Variants in RABGAP1L observed in about 807,000 individuals in gnomAD.
RABGAP1L encodes the protein rab GTPase-activating protein 1-like.
In RABGAP1L, 63 loss-of-function variants were observed where a neutral mutation model predicts 137.7. The observed-to-expected ratio is 0.46, with a 90% CI of 0.37 to 0.56. RABGAP1L has a LOEUF of 0.56. RABGAP1L is among the 20% of genes least tolerant of loss of function. The pLI, the probability that RABGAP1L is intolerant of heterozygous loss-of-function variation, is 0.00. For synonymous variants in RABGAP1L, 431 were observed against 433.7 expected (o/e 0.99, Z 0.08); for missense variants, 1,095 against 1,244.0 (o/e 0.88, Z 1.80).
chr1:174,811,245 T>C (rs1689844221), intron 18 of RABGAP1L, among the ~76,000 whole-genome samples: 2 of 152,248 alleles, frequency 1.3e-5, no homozygotes, highest in South Asian at 4.1e-4. Flanking sequence ...TAAACAATAG[T>C]TTTCAGAAGA....
At chr1:174,607,895 C>G (rs1387224008) in intron 13 of RABGAP1L, among the ~76,000 whole-genome samples, 13 of 152,192 alleles carry the variant, frequency 8.5e-5, no homozygotes, top group Non-Finnish European at 1.9e-4. Context: ...GTATTGAGAA[C>G]TACAGTGTGA....
intron 19 of RABGAP1L, among the ~76,000 whole-genome samples, chr1:174,914,833 A>AC (rs1453656955): frequency 2.0e-5 from 3 of 151,414 alleles, no homozygotes; most frequent in African/African-American, 4.9e-5. Flanking sequence ...CCCTCATCCT[A>AC]CCCCCCAGAT....
intron 14 of RABGAP1L, among the ~76,000 whole-genome samples, chr1:174,640,985 A>G (rs905893999): frequency 1.1e-5 from 1 of 89,628 alleles, no homozygotes; most frequent in Non-Finnish European, 1.9e-5. Flanking sequence ...AATTAAATAT[A>G]ATTTTAGATT....
At chr1:174,271,255 T>A (rs943734380) in intron 7 of RABGAP1L, among the ~76,000 whole-genome samples, 11 of 152,124 alleles carry the variant, frequency 7.2e-5, no homozygotes, top group African/African-American at 2.7e-4. Flanking sequence ...CCTCAAGAAC[T>A]TATAGGAAGT....
chr1:174,295,166 C>T (rs1386859332), intron 10 of RABGAP1L, among the ~76,000 whole-genome samples: 4 of 151,700 alleles, frequency 2.6e-5, no homozygotes, highest in African/African-American at 9.7e-5. Flanking sequence ...ATCCGCCCAC[C>T]TTGGCCTCCC....
chr1:174,411,350 A>G lies in RABGAP1L; in HGVS notation c.1710+17205A>G, dbSNP rs187709315. Among the ~76,000 whole-genome samples the G allele has an allele frequency of 1.3e-3, 196 of 152,108 alleles. 1 individual carries two copies. Among genetic ancestry groups the G allele is most frequent in the African/African-American group, 4.6e-3 (191 of 41,494 alleles). On this transcript the variant is annotated intron_variant, in intron 13 of 25. Coordinates refer to ENST00000681986, the MANE Select transcript of RABGAP1L (RefSeq NM_001366446.1). Reference sequence around the variant, plus strand: ...TGCTTTCAGTTTTTACCTGTTCAGTATGATGTTTGCTGTGGGTTTGTCATG... The same window carrying G: ...TGCTTTCAGTTTTTACCTGTTCAGTGTGATGTTTGCTGTGGGTTTGTCATG...
At chr1:174,707,124 C>G (rs1042914590) in intron 17 of RABGAP1L, among the ~76,000 whole-genome samples, 1 of 152,176 alleles carries the variant, frequency 6.6e-6, no homozygotes. Flanking sequence ...TTAATGGATA[C>G]TGCCAAACAG....
At chr1:174,615,960 G>A (rs548957430) in intron 13 of RABGAP1L, among the ~76,000 whole-genome samples, 4 of 152,256 alleles carry the variant, frequency 2.6e-5, no homozygotes, top group African/African-American at 4.8e-5. Flanking sequence ...GGAGTTACCC[G>A]ATTTTCCAGG....
intron 13 of RABGAP1L, among the ~76,000 whole-genome samples, chr1:174,443,988 A>G (rs1036349253): frequency 2.0e-5 from 3 of 151,952 alleles, no homozygotes; most frequent in East Asian, 1.9e-4. Flanking sequence ...TAGGTTGACT[A>G]TAAATGTGTA....
intron 1 of RABGAP1L, among the ~76,000 whole-genome samples, chr1:174,195,790 T>TTTCTTTCC (rs1271760250): frequency 2.5e-5 from 3 of 120,666 alleles, no homozygotes; most frequent in African/African-American, 8.8e-5. Context: ...CTTTCTTTTC[T>TTTCTTTCC]TTCTTTCTTT....
At chr1:174,696,359 A>AC (rs1557993230) in intron 15 of RABGAP1L, among the ~76,000 whole-genome samples, 2 of 151,932 alleles carry the variant, frequency 1.3e-5, no homozygotes, top group African/African-American at 4.8e-5. Context: ...GAAGGGGTGT[A>AC]AGTATAGCCA....
At position 174,957,452 on chromosome 1, in the gene RABGAP1L, T is replaced by C. The variant is rs1465927939; in HGVS notation, c.2341-5T>C. The C allele has an allele frequency of 4.3e-6, 7 of 1,610,116 alleles. No homozygotes were observed. In the South Asian group the frequency reaches 7.7e-5, roughly 18 times the overall value. On this transcript the variant is annotated splice_polypyrimidine_tract_variant and splice_region_variant and intron_variant, in intron 19 of 25. Transcript: ENST00000681986. Reference sequence around the variant, plus strand: ...TCTAACATGGTTTTCCTCAAATCCCTGCAGGTACCAACCAAGAAGCTGAAG... The same window carrying C: ...TCTAACATGGTTTTCCTCAAATCCCCGCAGGTACCAACCAAGAAGCTGAAG...
At chr1:174,316,308 C>T (rs747796174) in intron 11 of RABGAP1L, among the ~76,000 whole-genome samples, 9 of 152,120 alleles carry the variant, frequency 5.9e-5, no homozygotes, top group Non-Finnish European at 1.2e-4. Context: ...AGATGTTTTT[C>T]GGTGTCTGAG....
intron 12 of RABGAP1L, among the ~76,000 whole-genome samples, chr1:174,379,189 G>T (rs1349709185): frequency 2.0e-5 from 3 of 149,980 alleles, no homozygotes; most frequent in African/African-American, 7.4e-5. Context: ...GGGTACTGTA[G>T]CCTTGTAGTA....
intron 13 of RABGAP1L, among the ~76,000 whole-genome samples, chr1:174,438,601 C>T (rs938706030): frequency 6.6e-6 from 1 of 151,018 alleles, no homozygotes; most frequent in African/African-American, 2.4e-5. Context: ...ACCTGTAATC[C>T]CAGCTACTTG....
intron 13 of RABGAP1L, among the ~76,000 whole-genome samples, chr1:174,543,113 G>C (rs1430557654): frequency 3.3e-5 from 5 of 152,072 alleles, no homozygotes; most frequent in South Asian, 2.1e-4. Flanking sequence ...ATTAGATCTG[G>C]TTGGTGCAGA....
At chr1:174,554,307 G>T (rs1666738615) in intron 13 of RABGAP1L, among the ~76,000 whole-genome samples, 1 of 152,130 alleles carries the variant, frequency 6.6e-6, no homozygotes, top group African/African-American at 2.4e-5. Context: ...ATTTTTTAGA[G>T]TGTTGAACCT....
chr1:174,318,510 A>G (rs1679609252), intron 11 of RABGAP1L, among the ~76,000 whole-genome samples: 1 of 151,940 alleles, frequency 6.6e-6, no homozygotes, highest in South Asian at 2.1e-4. Flanking sequence ...TTTTGATTGA[A>G]ATACTCAATC....
At chr1:174,848,995 G>T (rs1228974127) in intron 19 of RABGAP1L, among the ~76,000 whole-genome samples, 5 of 152,040 alleles carry the variant, frequency 3.3e-5, no homozygotes, top group African/African-American at 4.8e-5. Context: ...GATTTTCCAG[G>T]TGCGTCCGTC....
Sources: allele counts gnomAD v4.1 joint callset (sites outside exome capture counted in the v4.1 genomes callset), GRCh38; gene constraint gnomAD v4.1.1; transcripts MANE v1.5; gene names NCBI Gene and HGNC (gene_info 2026-07-23, HGNC 2026-07-21).